Variants in NBEA observed in about 807,000 individuals in gnomAD.
NBEA encodes neurobeachin.
A neutral mutation model predicts 343.4 loss-of-function variants in NBEA; 44 were observed. The ratio of observed to expected loss-of-function variants is 0.13; its 90% CI spans 0.10 to 0.16. The LOEUF (loss-of-function observed/expected upper bound fraction) is 0.16. Ranked by LOEUF, NBEA falls within the 10% of genes least tolerant of loss-of-function variation. NBEA has a pLI of 1.00. For synonymous variants in NBEA, 1,175 were observed against 1,238.7 expected, an observed-to-expected ratio of 0.95 and a Z score of 1.08; for missense variants, 2,555 against 3,631.3, an observed-to-expected ratio of 0.70 and a Z score of 7.62.
intron 35 of NBEA, 36 bp downstream of exon 35, chr13:35,290,486 T>A: frequency 6.7e-7 from 1 of 1,485,584 alleles, no homozygotes; most frequent in Non-Finnish European, 9.3e-7. Context: ...CATTAATATA[T>A]GAGGGTTTTT....
intron 11 of NBEA, among the ~76,000 whole-genome samples, chr13:35,108,351 T>G (rs1053622341): frequency 6.6e-6 from 1 of 151,874 alleles, no homozygotes; most frequent in Non-Finnish European, 1.5e-5. Context: ...TGAAGAGCAT[T>G]TTTTTAATAT....
chr13:35,005,946 G>T (rs1009135494), intron 1 of NBEA, among the ~76,000 whole-genome samples: 1 of 152,092 alleles, frequency 6.6e-6, no homozygotes, highest in East Asian at 1.9e-4. Flanking sequence ...GCCTCCATGG[G>T]TTACATTCTG....
At chr13:35,653,785 A>G (rs1156836996) in intron 53 of NBEA, among the ~76,000 whole-genome samples, 1 of 152,242 alleles carries the variant, frequency 6.6e-6, no homozygotes, top group East Asian at 1.9e-4. Context: ...TTATTAGTCT[A>G]GTCTAGCTAT....
chr13:35,661,244 G>T (rs117760127), intron 55 of NBEA, among the ~76,000 whole-genome samples: 2 of 152,316 alleles, frequency 1.3e-5, no homozygotes, highest in East Asian at 3.9e-4. Context: ...GCTTCCTGAG[G>T]AAGGGGAGGT....
intron 34 of NBEA, among the ~76,000 whole-genome samples, chr13:35,256,840 T>A (rs892458114): frequency 6.6e-6 from 1 of 152,176 alleles, no homozygotes; most frequent in Non-Finnish European, 1.5e-5. Context: ...GCAAACACTT[T>A]CAAGCCTGTG....
At chr13:35,659,473 T>A (rs1754086409) in intron 55 of NBEA, among the ~76,000 whole-genome samples, 1 of 152,236 alleles carries the variant, frequency 6.6e-6, no homozygotes, top group Admixed American at 6.5e-5. Flanking sequence ...AAAAATGTCA[T>A]GTTTGTGAAA....
At position 35,649,764 on chromosome 13, in the gene NBEA, C is replaced by G. The variant is rs776505020; in HGVS notation, c.7880C>G (p.Thr2627Ser). ...CCAGTAACCCATGTGGCAGCCAACA[C>G]TCTGCCCCACTTGACCATCCCCGCA... ...NSPVTHVAAN[T>S]LPHLTIPAVV... The change falls in exon 52 of 59, where the codon ACT (threonine) becomes AGT (serine). Residue 2627 changes from threonine to serine, a missense_variant. Thr to Ser is a moderately conservative substitution (Grantham distance 58, BLOSUM62 1). This residue lies in a region of NBEA where 61 missense variants were observed against 132.1 expected (regional missense o/e 0.46). Transcript: ENST00000379939. 3.1e-6 allele frequency: 5 copies of G among 1,613,896 alleles called. No individual in the cohort carries two copies. In the African/African-American group the frequency reaches 6.7e-5, roughly 22 times the overall value.
chr13:35,350,728 ATGTGTGTGTGTG>A (rs34088295), intron 37 of NBEA, among the ~76,000 whole-genome samples: 7,666 of 137,896 alleles, frequency 0.056, 225 homozygotes, highest in South Asian at 0.14. Context: ...AGAGCTATTG[ATGTGTGTGTGTG>A]TGTGTGTGTG....
At chr13:35,307,931 A>G (rs2037004952) in intron 35 of NBEA, among the ~76,000 whole-genome samples, 1 of 152,064 alleles carries the variant, frequency 6.6e-6, no homozygotes, top group Non-Finnish European at 1.5e-5. Flanking sequence ...ACAATGGAAT[A>G]GCAGTCTTGT....
At chr13:35,207,184 C>A (rs549998649) in intron 31 of NBEA, among the ~76,000 whole-genome samples, 1 of 151,538 alleles carries the variant, frequency 6.6e-6, no homozygotes, top group Non-Finnish European at 1.5e-5. Flanking sequence ...AGATTATTAA[C>A]ATTAAAGAAG....
At chr13:34,996,999 T>G (rs1246520213) in intron 1 of NBEA, among the ~76,000 whole-genome samples, 1 of 151,982 alleles carries the variant, frequency 6.6e-6, no homozygotes, top group African/African-American at 2.4e-5. Flanking sequence ...AGTCAGGAAA[T>G]TTGAATATTC....
chr13:35,004,643 T>C (rs745601549), intron 1 of NBEA, among the ~76,000 whole-genome samples: 15 of 152,186 alleles, frequency 9.9e-5, no homozygotes, highest in Non-Finnish European at 1.6e-4. Context: ...CTGTAGAAAA[T>C]ACCAGTGCAT....
At chr13:35,192,525 A>T (rs2072277477) in intron 30 of NBEA, among the ~76,000 whole-genome samples, 1 of 151,996 alleles carries the variant, frequency 6.6e-6, no homozygotes, top group African/African-American at 2.4e-5. Flanking sequence ...TTCTTTTATC[A>T]GCCTCAATAA....
intron 35 of NBEA, among the ~76,000 whole-genome samples, chr13:35,301,836 C>T (rs2036570237): frequency 6.6e-6 from 1 of 152,154 alleles, no homozygotes; most frequent in Admixed American, 6.6e-5. Context: ...TCTGCATCCT[C>T]GCCAGCATCT....
At chr13:35,058,163 T>G (rs2063337585) in intron 7 of NBEA, among the ~76,000 whole-genome samples, 1 of 152,096 alleles carries the variant, frequency 6.6e-6, no homozygotes, top group Non-Finnish European at 1.5e-5. Context: ...CAGCAGATCT[T>G]AGTCTTATTG....
Position 35,598,076 on chromosome 13 carries a change from CTTG to C in NBEA, c.7296+4634_7296+4636del, listed in dbSNP as rs1213883841. 2.0e-5 allele frequency among the ~76,000 whole-genome samples: 3 copies of C among 152,192 alleles called. No homozygotes were observed. In the East Asian group the frequency reaches 5.8e-4, roughly 29 times the overall value. The stretch of plus-strand genomic sequence containing the variant: ...TTGTATCAGACTGAAAATCTGGTAT[CTTG>C]TTGTCTACATAAGCCCCAGGTACAG... On this transcript the variant is annotated intron_variant, in intron 47 of 58. Coordinates refer to ENST00000379939, the MANE Select transcript of NBEA (RefSeq NM_001385012.1).
At chr13:35,658,269 A>C (rs1295827297) in intron 55 of NBEA, among the ~76,000 whole-genome samples, 2 of 147,536 alleles carry the variant, frequency 1.4e-5, no homozygotes, top group Admixed American at 1.4e-4. Context: ...CATCTATAGG[A>C]ATTTATTTTT....
chr13:35,436,483 G>A (rs1360861626), intron 39 of NBEA, among the ~76,000 whole-genome samples: 1 of 152,150 alleles, frequency 6.6e-6, no homozygotes, highest in African/African-American at 2.4e-5. Context: ...GGCTGAGGCG[G>A]GTGGATCACG....
intron 34 of NBEA, among the ~76,000 whole-genome samples, chr13:35,284,031 A>G (rs562475016): frequency 1.3e-5 from 2 of 152,046 alleles, no homozygotes; most frequent in African/African-American, 4.8e-5. Flanking sequence ...AGATGCATGT[A>G]CACACACATC....
Sources: gnomAD v4.1 joint callset for allele counts (sites outside exome capture counted in the v4.1 genomes callset) on GRCh38, gnomAD v4.1.1 for gene constraint, gnomAD v4.1.1 regional missense constraint, MANE v1.5 for transcripts, NCBI Gene and HGNC (gene_info 2026-07-23, HGNC 2026-07-21) for gene names.